Variants in SMARCD3 observed in about 807,000 individuals in gnomAD.
The protein encoded by SMARCD3 is SWI/SNF-related matrix-associated actin-dependent regulator of chromatin subfamily D member 3.
Under a neutral mutation model 58.0 loss-of-function variants are expected in SMARCD3, and 14 were observed. That is an observed-to-expected ratio of 0.24 (90% CI 0.16 to 0.38). The LOEUF (loss-of-function observed/expected upper bound fraction) is 0.38. Among genes scored for constraint, SMARCD3 ranks in the 10% least tolerant of loss-of-function variants. SMARCD3 has a pLI of 1.00. For missense variants in SMARCD3, 408 were observed against 636.9 expected (o/e 0.64, Z 3.87); for synonymous variants, 253 against 253.8 (o/e 1.00, Z 0.03).
At chr7:151,251,348 C>T (rs1021085351), upstream of SMARCD3, among the ~76,000 whole-genome samples, 1 of 152,202 alleles carries the variant, frequency 6.6e-6, no homozygotes. Flanking sequence ...CCAATACAAG[C>T]ACCAAAAGGT....
intron 8 of SMARCD3, 168 bp from the exon 9 acceptor site, chr7:151,240,690 G>C: frequency 1.7e-6 from 1 of 596,838 alleles, no homozygotes; most frequent in East Asian, 2.9e-5. Flanking sequence ...TGGAGCCACC[G>C]GTATGGCTGA....
At chr7:151,266,438 TTC>T (rs1804081672) in intron 2 of SMARCD3, among the ~76,000 whole-genome samples, 1 of 152,216 alleles carries the variant, frequency 6.6e-6, no homozygotes, top group Non-Finnish European at 1.5e-5. Context: ...TGAATATTAA[TTC>T]TGTTATCCAA....
rs1050100 is a variant in SMARCD3, at chr7:151,242,759, G to A, written c.418C>T (p.Arg140Trp). 5 of 1,614,004 alleles carry A rather than the reference G, an allele frequency of 3.1e-6. No homozygotes were observed. Among genetic ancestry groups the A allele is most frequent in the South Asian group, 1.1e-5 (1 of 91,074 alleles). ...RKLDQTIMRK[R>W]VDIQEALKRP... ...TTCAGAGCCTCCTGGATGTCCACCC[G>A]CTTCCGCATGATGGTTTGATCCAGT... Residue 140 changes from arginine (R) to tryptophan (W), a missense_variant, in exon 4 of 13, where the codon CGG becomes TGG. Arg to Trp is a moderately radical substitution (Grantham distance 101). This residue lies in a region of SMARCD3 where 128 missense variants were observed against 188.8 expected (regional missense o/e 0.68). Coordinates refer to ENST00000262188, the MANE Select transcript of SMARCD3 (RefSeq NM_001003801.2). The surrounding 1 kb of genome is among the most constrained non-coding windows in gnomAD (Gnocchi z 4.7).
intron 2 of SMARCD3, among the ~76,000 whole-genome samples, chr7:151,260,343 T>C (rs17173769): frequency 0.031 from 4,768 of 152,282 alleles, 165 homozygotes; most frequent in East Asian, 0.11. Flanking sequence ...ATTATCGTTT[T>C]AAACACACCC....
chr7:151,259,605 T>TG (rs1803841969), intron 2 of SMARCD3, among the ~76,000 whole-genome samples: 1 of 106,080 alleles, frequency 9.4e-6, no homozygotes, highest in African/African-American at 5.0e-5. Flanking sequence ...CTGAGAGTTT[T>TG]TTTTTTTTTT....
In SMARCD3 at chr7:151,246,595, T is replaced by G. The variant is rs953871150; in HGVS notation, c.79-924A>C. On this transcript the variant is annotated intron_variant, in intron 1 of 12. Coordinates refer to ENST00000262188, the MANE Select transcript of SMARCD3 (RefSeq NM_001003801.2). This position sits in a 1 kb window ranked among gnomAD's most constrained non-coding sequence, Gnocchi z 4.4. ...CTGTCTGCCCAGGTCAGCAGCCACCTCCTCCTCTTCCCATCCCCACCCCAG... is the reference window on the plus strand; with the variant it reads ...CTGTCTGCCCAGGTCAGCAGCCACCGCCTCCTCTTCCCATCCCCACCCCAG... 6.6e-5 allele frequency among the ~76,000 whole-genome samples: 10 copies of G among 152,030 alleles called. No homozygotes were observed. Among genetic ancestry groups the G allele is most frequent in the Non-Finnish European group, 1.2e-4 (8 of 67,998 alleles).
At chr7:151,257,621 G>A (rs992423111) in intron 2 of SMARCD3, among the ~76,000 whole-genome samples, 1 of 152,088 alleles carries the variant, frequency 6.6e-6, no homozygotes, top group East Asian at 1.9e-4. Context: ...CACTGCACCC[G>A]GCAAAGTCAT....
At chr7:151,275,169 C>T (rs967480482) in exon 2 of SMARCD3, 2 of 1,610,768 alleles carry the variant, frequency 1.2e-6, no homozygotes, top group East Asian at 2.2e-5. Flanking sequence ...CAGGGTCCTG[C>T]ACCTGGAGAG....
Position 151,246,286 on chromosome 7 carries a change from C to T in SMARCD3, c.79-615G>A, listed in dbSNP as rs1357110548. 1 of 152,876 alleles carries T rather than the reference C, an allele frequency of 6.5e-6. No individual in the cohort carries two copies. Among genetic ancestry groups the T allele is most frequent in the Non-Finnish European group, 1.5e-5 (1 of 68,468 alleles). The allele number at this position is 152,876 out of a possible 1,614,324, so 9.5% of individuals were successfully genotyped here. A position where few individuals can be genotyped will look rare whatever the true frequency, so the allele number is the denominator to read the frequency against. On this transcript the variant is annotated intron_variant, in intron 1 of 12. Transcript: ENST00000262188. This position sits in a 1 kb window ranked among gnomAD's most constrained non-coding sequence, Gnocchi z 4.4. ...CTGGTACTCACTAGCTCATCTCAGC[C>T]ACTCTGCTCCCTGTGTCCCTGCTTT... is the stretch of plus-strand genomic sequence containing the variant.
chr7:151,242,471 C>G lies in SMARCD3; in HGVS notation c.579+10G>C. On this transcript the variant is annotated intron_variant, in intron 5 of 12. Transcript: ENST00000262188. The surrounding 1 kb of genome is among the most constrained non-coding windows in gnomAD (Gnocchi z 4.7). ...CCAGGACACCTGGAGAGACCTGGGCCGGGACGTACATCATCCAGGAGCTTC... is the reference window on the plus strand; with the variant it reads ...CCAGGACACCTGGAGAGACCTGGGCGGGGACGTACATCATCCAGGAGCTTC... The G allele has an allele frequency of 6.2e-7, 1 of 1,612,140 alleles. No homozygotes were observed. Among genetic ancestry groups the G allele is most frequent in the Non-Finnish European group, 8.5e-7 (1 of 1,179,802 alleles).
rs1803365362 is a variant in SMARCD3, at chr7:151,248,192, G to A, written c.78+293C>T. On this transcript the variant is annotated intron_variant, in intron 1 of 12. Coordinates refer to ENST00000262188, the MANE Select transcript of SMARCD3 (RefSeq NM_001003801.2). This position sits in a 1 kb window ranked among gnomAD's most constrained non-coding sequence, Gnocchi z 6.1. ...GAAAAGAACGAAAGTCAACCTGTCGGCTACAGCGAGGACCCCCTACTTGGG... is the reference window on the plus strand; with the variant it reads ...GAAAAGAACGAAAGTCAACCTGTCGACTACAGCGAGGACCCCCTACTTGGG... Among the ~76,000 whole-genome samples, 1 of 151,916 alleles carries A rather than the reference G, an allele frequency of 6.6e-6. No individual in the cohort carries two copies. The highest frequency in any genetic ancestry group is 2.4e-5 in the African/African-American group (1 of 41,372).
At chr7:151,262,236 A>G (rs1477970229) in intron 2 of SMARCD3, among the ~76,000 whole-genome samples, 5 of 152,060 alleles carry the variant, frequency 3.3e-5, no homozygotes, top group Non-Finnish European at 7.4e-5. Flanking sequence ...ACATGCCACC[A>G]TGCCCGGCCA....
Position 151,248,424 on chromosome 7 carries a change from A to C in SMARCD3, c.78+61T>G. 6 of 1,353,604 alleles carry C rather than the reference A, an allele frequency of 4.4e-6. No individual in the cohort carries two copies. Among genetic ancestry groups the C allele is most frequent in the Non-Finnish European group, 6.3e-6 (6 of 953,294 alleles). The allele number at this position is 1,353,604 out of a possible 1,614,324, so 83.8% of individuals were successfully genotyped here. A position where few individuals can be genotyped will look rare whatever the true frequency, so the allele number is the denominator to read the frequency against. ...AGCGCCCTCCCGGCCCCTCCCGATC[A>C]GCCCTCCATTCAGCCCGAGCCAGCT... On this transcript the variant is annotated intron_variant, in intron 1 of 12. Transcript: ENST00000262188. The surrounding 1 kb of genome is among the most constrained non-coding windows in gnomAD (Gnocchi z 6.1).
chr7:151,262,171 C>T (rs1803939180), intron 2 of SMARCD3, among the ~76,000 whole-genome samples: 1 of 152,024 alleles, frequency 6.6e-6, no homozygotes, highest in African/African-American at 2.4e-5. Context: ...CACTGGACCT[C>T]CTGGGCTCAA....
chr7:151,268,883 C>A (rs1222399412), intron 2 of SMARCD3, among the ~76,000 whole-genome samples: 3 of 152,144 alleles, frequency 2.0e-5, no homozygotes, highest in African/African-American at 4.8e-5. Context: ...AGATTACAGG[C>A]ATGAACCACT....
At chr7:151,266,978 G>A (rs914944827) in intron 2 of SMARCD3, among the ~76,000 whole-genome samples, 7 of 152,188 alleles carry the variant, frequency 4.6e-5, no homozygotes, top group African/African-American at 9.7e-5. Context: ...CTCCCAAAGC[G>A]CTGGGATTAC....
intron 2 of SMARCD3, among the ~76,000 whole-genome samples, chr7:151,262,362 G>A (rs1052012439): frequency 4.6e-5 from 7 of 152,138 alleles, no homozygotes; most frequent in East Asian, 1.9e-4. Context: ...GATTACAGGC[G>A]TGAGCCACCA....
At chr7:151,256,180 C>A (rs1803692086) in intron 2 of SMARCD3, among the ~76,000 whole-genome samples, 1 of 141,198 alleles carries the variant, frequency 7.1e-6, no homozygotes, top group Admixed American at 7.2e-5. Flanking sequence ...CTGCGCCTGG[C>A]TTTTTTTTTT....
chr7:151,244,842 GGCTTTGAGGGTGCCACCA>G (rs1803177583), intron 2 of SMARCD3, among the ~76,000 whole-genome samples: 1 of 152,198 alleles, frequency 6.6e-6, no homozygotes, highest in Non-Finnish European at 1.5e-5. Flanking sequence ...AGCCAGCAGG[GGCTTTGAGGGTGCCACCA>G]GCTGCTGGAG....
Sources: gnomAD v4.1 joint callset for allele counts (sites outside exome capture counted in the v4.1 genomes callset) on GRCh38, gnomAD v4.1.1 for gene constraint, gnomAD v4.1.1 regional missense constraint, Gnocchi (gnomAD v3.1) non-coding constraint, MANE v1.5 for transcripts, NCBI Gene and HGNC (gene_info 2026-07-23, HGNC 2026-07-21) for gene names.